Variants in TRPM1 observed in about 807,000 individuals in gnomAD.
TRPM1 encodes TRPM1-203 APA Isoform, Intron 10.
Under a neutral mutation model 149.4 loss-of-function variants are expected in TRPM1, and 113 were observed. The observed-to-expected ratio is 0.76, with a 90% CI of 0.65 to 0.88. The LOEUF (loss-of-function observed/expected upper bound fraction) is 0.88, where lower values mean the gene tolerates loss of function less well. Ranked by LOEUF, TRPM1 falls within the 40% of genes least tolerant of loss-of-function variation. The pLI, the probability that TRPM1 is intolerant of heterozygous loss-of-function variation, is 0.00. For missense variants in TRPM1, 1,976 were observed against 2,038.7 expected (o/e 0.97, Z 0.59); for synonymous variants, 741 against 759.5 (o/e 0.98, Z 0.40).
intron 1 of TRPM1, among the ~76,000 whole-genome samples, chr15:31,124,711 T>G (rs2035923718): frequency 6.7e-6 from 1 of 149,752 alleles, no homozygotes; most frequent in African/African-American, 2.5e-5. Context: ...ATGATTCCAA[T>G]TCTGGAAAGG....
chr15:31,088,924 A>C (rs898043058), intron 1 of TRPM1, among the ~76,000 whole-genome samples: 2 of 152,126 alleles, frequency 1.3e-5, no homozygotes, highest in African/African-American at 4.8e-5. Flanking sequence ...CTGGTGGCAG[A>C]ATTGCGTGGA....
intron 23 of TRPM1, 58 bp from the exon 24 acceptor site, chr15:31,029,449 G>A: frequency 6.4e-7 from 1 of 1,559,528 alleles, no homozygotes; most frequent in South Asian, 1.1e-5. Context: ...AGGAGGGGAG[G>A]AAAGAAAATA....
chr15:31,149,766 G>A (rs1034351205), intron 1 of TRPM1, among the ~76,000 whole-genome samples: 12 of 152,166 alleles, frequency 7.9e-5, no homozygotes, highest in East Asian at 5.8e-4. Flanking sequence ...TGATCCGCCC[G>A]CCTTGGCCTC....
Position 31,001,359 on chromosome 15 carries a change from G to C in TRPM1, c.*463C>G, listed in dbSNP as rs996256524. 1 of 151,118 alleles carries C rather than the reference G, an allele frequency of 6.6e-6. No homozygotes were observed. The highest frequency in any genetic ancestry group is 2.5e-5 in the African/African-American group (1 of 40,430). 9.4% of individuals were successfully genotyped at this position (151,118 alleles called of 1,614,324 possible). Reference sequence around the variant, plus strand: ...TTTTTTTTTTTTTTTTAAGAGATGGGGTATCACTATGTTGCCCAGGCTGGT... The same window carrying C: ...TTTTTTTTTTTTTTTTAAGAGATGGCGTATCACTATGTTGCCCAGGCTGGT... On this transcript the variant is annotated 3_prime_UTR_variant, in exon 28 of 28. Transcript: ENST00000256552.
At chr15:31,082,695 T>C (rs982287782) in intron 1 of TRPM1, among the ~76,000 whole-genome samples, 4 of 152,200 alleles carry the variant, frequency 2.6e-5, no homozygotes, top group Admixed American at 1.3e-4. Flanking sequence ...TCTGTACTTA[T>C]TTATTTTTTA....
At chr15:31,142,404 G>A (rs532723864) in intron 1 of TRPM1, among the ~76,000 whole-genome samples, 27 of 152,264 alleles carry the variant, frequency 1.8e-4, no homozygotes, top group African/African-American at 6.0e-4. Flanking sequence ...TCTGCTCTTA[G>A]TAAATTATTG....
At chr15:31,062,890 T>C in intron 8 of TRPM1, 188 bp from the exon 9 acceptor site, 1 of 973,594 alleles carries the variant, frequency 1.0e-6, no homozygotes, top group South Asian at 1.5e-5. Context: ...TTGCAAACTT[T>C]CTAAGGGCAA....
intron 1 of TRPM1, among the ~76,000 whole-genome samples, chr15:31,141,551 A>G (rs2141052642): frequency 6.6e-6 from 1 of 152,364 alleles, no homozygotes; most frequent in Non-Finnish European, 1.5e-5. Context: ...GTGCAAAAAA[A>G]TCTATAAATA....
intron 1 of TRPM1, among the ~76,000 whole-genome samples, chr15:31,115,982 G>A (rs1019097475): frequency 6.6e-6 from 1 of 151,912 alleles, no homozygotes; most frequent in African/African-American, 2.4e-5. Context: ...GCTCTCCGGG[G>A]CCTCTTTTAT....
At chr15:31,150,839 C>T (rs2036292157) in intron 1 of TRPM1, among the ~76,000 whole-genome samples, 1 of 152,162 alleles carries the variant, frequency 6.6e-6, no homozygotes, top group Admixed American at 6.6e-5. Flanking sequence ...AGAAAGTCTA[C>T]ACAGGTGACT....
intron 1 of TRPM1, among the ~76,000 whole-genome samples, chr15:31,097,626 T>C (rs896619631): frequency 2.0e-5 from 3 of 152,198 alleles, no homozygotes; most frequent in Admixed American, 6.5e-5. Context: ...AATCATGGAC[T>C]ATGCAACCAT....
intron 1 of TRPM1, among the ~76,000 whole-genome samples, chr15:31,106,756 TC>T (rs1429261222): frequency 6.6e-6 from 1 of 152,208 alleles, no homozygotes; most frequent in Admixed American, 6.5e-5. Flanking sequence ...TTGCCACATG[TC>T]CTTTTGCATT....
At position 31,098,300 on chromosome 15, in the gene TRPM1, C is replaced by T. The variant is rs537114570; in HGVS notation, c.-84+3357G>A. Among the ~76,000 whole-genome samples the T allele has an allele frequency of 3.9e-5, 6 of 152,176 alleles. No individual in the cohort carries two copies. In the East Asian group the frequency reaches 5.8e-4, roughly 15 times the overall value. On this transcript the variant is annotated intron_variant, in intron 1 of 27. Coordinates refer to ENST00000256552, the MANE Select transcript of TRPM1 (RefSeq NM_001252024.2). ...TACTAAAAATACAAAATTAGCTGGG[C>T]GTGGTGGCGGGCACCTGTAATCCCA...
chr15:31,142,025 A>C (rs1260795148), intron 1 of TRPM1, among the ~76,000 whole-genome samples: 1 of 152,204 alleles, frequency 6.6e-6, no homozygotes, highest in Non-Finnish European at 1.5e-5. Context: ...GTTCAAGACC[A>C]GCCCAGGCAA....
At chr15:31,108,616 GC>G (rs2035641234) in intron 1 of TRPM1, among the ~76,000 whole-genome samples, 1 of 152,092 alleles carries the variant, frequency 6.6e-6, no homozygotes, top group Non-Finnish European at 1.5e-5. Flanking sequence ...GCCTCAGCCT[GC>G]CAAGTAGCTG....
intron 1 of TRPM1, among the ~76,000 whole-genome samples, chr15:31,112,949 TCA>T (rs900657808): frequency 1.3e-5 from 2 of 152,190 alleles, no homozygotes; most frequent in African/African-American, 4.8e-5. Flanking sequence ...AACGAAAGTA[TCA>T]CAACAGAGGA....
At chr15:31,053,563 C>T (rs115375179) in intron 11 of TRPM1, among the ~76,000 whole-genome samples, 2,217 of 152,208 alleles carry the variant, frequency 0.015, 57 homozygotes, top group African/African-American at 0.049. Context: ...CTGTGCCCAG[C>T]CAAGATGGCT....
chr15:31,047,858 A>G, intron 14 of TRPM1, 31 bp downstream of exon 14: 1 of 1,581,578 alleles, frequency 6.3e-7, no homozygotes, highest in Non-Finnish European at 8.7e-7. Flanking sequence ...AAAGATGCCA[A>G]CAGGTAAGAA....
rs2033560554 is a variant in TRPM1 at position 31,040,108 on chromosome 15, T to C, written c.2316+10A>G. The C allele has an allele frequency of 1.2e-6, 2 of 1,613,920 alleles. No individual in the cohort carries two copies. The highest frequency in any genetic ancestry group is 8.5e-7 in the Non-Finnish European group (1 of 1,179,786). ...TCACCCTGGCCCGCCTCGCAGCACGTTGCACGCACCTTCAGGCCGGGGTTC... is the reference window on the plus strand; with the variant it reads ...TCACCCTGGCCCGCCTCGCAGCACGCTGCACGCACCTTCAGGCCGGGGTTC... On this transcript the variant is annotated intron_variant, in intron 18 of 27. Coordinates refer to ENST00000256552, the MANE Select transcript of TRPM1 (RefSeq NM_001252024.2). This position sits in a 1 kb window ranked among gnomAD's most constrained non-coding sequence, Gnocchi z 4.2.
Sources: gnomAD v4.1 joint callset for allele counts (sites outside exome capture counted in the v4.1 genomes callset) on GRCh38, gnomAD v4.1.1 for gene constraint, Gnocchi (gnomAD v3.1) non-coding constraint, MANE v1.5 for transcripts, NCBI Gene and HGNC (gene_info 2026-07-23, HGNC 2026-07-21) for gene names.